IFT43: variants seen among roughly 807,000 people sequenced by gnomAD.
The protein encoded by IFT43 is intraflagellar transport 43.
Under a neutral mutation model 32.3 loss-of-function variants are expected in IFT43, and 33 were observed. The ratio of observed to expected loss-of-function variants is 1.02; its 90% CI spans 0.77 to 1.37. The LOEUF is 1.37. Among genes scored for constraint, IFT43 ranks in the 40% most tolerant of loss-of-function variants. The pLI is 0.00. For missense variants in IFT43, 274 were observed against 265.9 expected (o/e 1.03, Z -0.21); for synonymous variants, 93 against 98.2 (o/e 0.95, Z 0.31).
intron 3 of IFT43, among the ~76,000 whole-genome samples, chr14:76,038,350 C>T (rs931267899): frequency 1.3e-5 from 2 of 152,168 alleles, no homozygotes; most frequent in Admixed American, 6.5e-5. Context: ...GTCTCAATTT[C>T]ACCGTCATGC....
At chr14:76,083,420 C>A in intron 8 of IFT43, 38 bp from the exon 9 acceptor site, 1 of 1,614,080 alleles carries the variant, frequency 6.2e-7, no homozygotes, top group Non-Finnish European at 8.5e-7. Flanking sequence ...AGGGAAAAGG[C>A]CTTTCTTTGT....
At chr14:76,062,909 T>G (rs1168830279) in intron 5 of IFT43, among the ~76,000 whole-genome samples, 2 of 36,888 alleles carry the variant, frequency 5.4e-5, no homozygotes, top group South Asian at 9.2e-4. Flanking sequence ...CAGAGTGAGA[T>G]CCCATCTCAA....
intron 2 of IFT43, among the ~76,000 whole-genome samples, chr14:75,989,328 C>T (rs778742431): frequency 1.3e-5 from 2 of 152,012 alleles, no homozygotes; most frequent in Non-Finnish European, 2.9e-5. Context: ...GGTTGGATTA[C>T]ACAATTGGAC....
chr14:76,033,121 CTT>C lies in IFT43; in HGVS notation c.215+10729_215+10730del, dbSNP rs574492111. 1.5e-4 allele frequency among the ~76,000 whole-genome samples: 23 copies of C among 152,228 alleles called. No homozygotes were observed. The East Asian group carries it at 3.1e-3, about 20-fold the overall frequency. On this transcript the variant is annotated intron_variant, in intron 3 of 8. Coordinates refer to ENST00000314067, the MANE Select transcript of IFT43 (RefSeq NM_001102564.3). ...TGGCTATTTGGAGGTTACAAGGGGCCTTTGAGAAAGTGGTTACAGTCATTTGC... is the reference window on the plus strand; with the variant it reads ...TGGCTATTTGGAGGTTACAAGGGGCCTGAGAAAGTGGTTACAGTCATTTGC...
At chr14:76,054,924 G>A (rs911787145) in intron 3 of IFT43, among the ~76,000 whole-genome samples, 4 of 152,200 alleles carry the variant, frequency 2.6e-5, no homozygotes, top group Non-Finnish European at 5.9e-5. Context: ...ACACAGTCTG[G>A]GAGGCAGAAC....
intron 5 of IFT43, among the ~76,000 whole-genome samples, chr14:76,068,249 G>T (rs1594860167): frequency 6.6e-6 from 1 of 152,190 alleles, no homozygotes; most frequent in South Asian, 2.1e-4. Flanking sequence ...AGAGAAGAAT[G>T]TGAAAGACCT....
chr14:76,017,974 A>G (rs148126494), intron 2 of IFT43, among the ~76,000 whole-genome samples: 8 of 151,284 alleles, frequency 5.3e-5, no homozygotes, highest in Admixed American at 1.3e-4. Context: ...CAGTTTACTA[A>G]TTTTGTTTAT....
At chr14:75,992,274 A>G (rs188053741) in intron 2 of IFT43, among the ~76,000 whole-genome samples, 35 of 152,326 alleles carry the variant, frequency 2.3e-4, no homozygotes, top group Admixed American at 1.4e-3. Flanking sequence ...TTATCTGTCA[A>G]ATAGTGATAG....
chr14:76,058,945 G>C, intron 4 of IFT43: 1 of 1,439,994 alleles, frequency 6.9e-7, no homozygotes, highest in Non-Finnish European at 9.0e-7. Context: ...CATGCCTTCT[G>C]CATTATTGAT....
chr14:76,056,396 A>C (rs976704210), intron 3 of IFT43, among the ~76,000 whole-genome samples: 1 of 152,266 alleles, frequency 6.6e-6, no homozygotes, highest in Non-Finnish European at 1.5e-5. Context: ...ATGTGGGCTC[A>C]GCAGCAATTA....
intron 3 of IFT43, among the ~76,000 whole-genome samples, chr14:76,045,196 C>G (rs894459155): frequency 3.3e-5 from 5 of 152,186 alleles, no homozygotes; most frequent in Non-Finnish European, 7.4e-5. Context: ...CAAGAATTCT[C>G]TTTTCAGGCT....
At chr14:75,993,634 C>T (rs1403251717) in intron 2 of IFT43, among the ~76,000 whole-genome samples, 1 of 152,214 alleles carries the variant, frequency 6.6e-6, no homozygotes, top group East Asian at 1.9e-4. Flanking sequence ...ATTTTTCTTT[C>T]ACATAGCAAA....
At chr14:75,996,401 A>G (rs1464131837) in intron 2 of IFT43, among the ~76,000 whole-genome samples, 2 of 152,232 alleles carry the variant, frequency 1.3e-5, no homozygotes, top group Admixed American at 6.5e-5. Context: ...AATAAAATAT[A>G]TAAAGCTCTT....
intron 8 of IFT43, 63 bp from the exon 9 acceptor site, chr14:76,083,395 A>G (rs2037551385): frequency 1.2e-6 from 2 of 1,614,024 alleles, no homozygotes; most frequent in African/African-American, 2.7e-5. Flanking sequence ...GGGAGGGAGA[A>G]GTCAGCTACA....
At chr14:76,043,373 T>TGTCGC (rs1307755915) in intron 3 of IFT43, among the ~76,000 whole-genome samples, 2 of 151,668 alleles carry the variant, frequency 1.3e-5, no homozygotes, top group African/African-American at 4.8e-5. Context: ...GAAGAGCTCG[T>TGTCGC]GTGCAGGGCC....
intron 2 of IFT43, among the ~76,000 whole-genome samples, chr14:75,999,261 ATATATATATATGTATATATATTTT>A (rs1331933698): frequency 2.2e-3 from 51 of 23,348 alleles, no homozygotes; most frequent in Non-Finnish European, 2.7e-3. Flanking sequence ...ATATATATAT[ATATATATATATGTATATATATTTT>A]TTTTTTTTTT....
intron 2 of IFT43, among the ~76,000 whole-genome samples, chr14:75,997,678 A>C (rs1404655699): frequency 1.3e-5 from 2 of 152,202 alleles, no homozygotes; most frequent in African/African-American, 4.8e-5. Context: ...CTATTTAGGC[A>C]AAGTGACCAG....
At chr14:76,052,100 G>A (rs1009861186) in intron 3 of IFT43, among the ~76,000 whole-genome samples, 5 of 152,114 alleles carry the variant, frequency 3.3e-5, no homozygotes, top group African/African-American at 7.2e-5. Context: ...CTAGGGTCCA[G>A]TATGTGCTGT....
chr14:76,071,648 C>T (rs2037322956), intron 5 of IFT43, among the ~76,000 whole-genome samples: 1 of 152,184 alleles, frequency 6.6e-6, no homozygotes, highest in African/African-American at 2.4e-5. Flanking sequence ...GATAGGCACA[C>T]ATAGCCTCAA....
Sources: gnomAD v4.1 joint callset for allele counts (sites outside exome capture counted in the v4.1 genomes callset) on GRCh38, gnomAD v4.1.1 for gene constraint, MANE v1.5 for transcripts, NCBI Gene and HGNC (gene_info 2026-07-23, HGNC 2026-07-21) for gene names.